Variants in SLC35D1 observed in about 807,000 individuals in gnomAD.
SLC35D1 encodes the protein nucleotide sugar transporter SLC35D1.
A neutral mutation model predicts 46.7 loss-of-function variants in SLC35D1; 31 were observed. The observed-to-expected ratio is 0.66, with a 90% CI of 0.50 to 0.90. The LOEUF is 0.90. Ranked by LOEUF, SLC35D1 falls within the 40% of genes least tolerant of loss-of-function variation. The pLI, the probability that SLC35D1 is intolerant of heterozygous loss-of-function variation, is 0.00. For missense variants in SLC35D1, 397 were observed against 426.2 expected (o/e 0.93, Z 0.60); for synonymous variants, 195 against 164.6 (o/e 1.18, Z -1.41).
chr1:67,009,972 G>C (rs1192507520), intron 10 of SLC35D1, among the ~76,000 whole-genome samples: 1 of 152,042 alleles, frequency 6.6e-6, no homozygotes, highest in African/African-American at 2.4e-5. Flanking sequence ...AAGAAAATGT[G>C]GTACATATAC....
the SLC35D1 span, among the ~76,000 whole-genome samples, chr1:66,980,503 A>C: frequency 6.6e-6 from 1 of 152,198 alleles, no homozygotes; most frequent in African/African-American, 2.4e-5. Flanking sequence ...AGTGATGACC[A>C]TATAGGTTGA....
At position 66,999,758 on chromosome 1, in the gene SLC35D1, C is replaced by G. The variant is rs1667291320; in HGVS notation, c.*4582G>C. ...TGAAGCAGCATCCTGAAAGTAAGAC[C>G]TAGAAGACTGGCTTAGAAAACAGTA... On this transcript the variant is annotated 3_prime_UTR_variant, in exon 12 of 12. Transcript: ENST00000235345. 1 of 151,420 alleles carries G rather than the reference C, an allele frequency of 6.6e-6. No homozygotes were observed. Among genetic ancestry groups the G allele is most frequent in the Non-Finnish European group, 1.5e-5 (1 of 67,962 alleles). 9.4% of individuals were successfully genotyped at this position (151,420 alleles called of 1,614,324 possible). A position where few individuals can be genotyped will look rare whatever the true frequency, so the allele number is the denominator to read the frequency against.
At chr1:66,980,993 C>T in the SLC35D1 span, among the ~76,000 whole-genome samples, 1 of 152,026 alleles carries the variant, frequency 6.6e-6, no homozygotes, top group African/African-American at 2.4e-5. Context: ...AGCCCACAGG[C>T]TATAGTTGGC....
At position 67,053,945 on chromosome 1, in the gene SLC35D1, G is replaced by A; in HGVS notation, c.69C>T (p.Leu23=). 6.2e-7 allele frequency: 1 copy of A among 1,613,728 alleles called. No individual in the cohort carries two copies. Among genetic ancestry groups the A allele is most frequent in the Non-Finnish European group, 8.5e-7 (1 of 1,179,696 alleles). The part of the protein sequence containing the change: ...KGEAPAKSST[L]RDEEELGMAS... ...CCATCCCCAGCTCCTCCTCATCTCGGAGTGTGGAGGATTTCGCGGGGGCTT... is the reference window on the plus strand; with the variant it reads ...CCATCCCCAGCTCCTCCTCATCTCGAAGTGTGGAGGATTTCGCGGGGGCTT... The change falls in exon 1 of 12, where the codon CTC becomes CTT. Residue 23 remains leucine (L), a synonymous_variant. Transcript: ENST00000235345.
At chr1:67,039,065 C>A (rs1003672214) in intron 8 of SLC35D1, among the ~76,000 whole-genome samples, 1 of 152,122 alleles carries the variant, frequency 6.6e-6, no homozygotes, top group African/African-American at 2.4e-5. Flanking sequence ...GGGGAGCTGG[C>A]CTTTCAGAGC....
rs187198272 is a variant in SLC35D1, at chr1:67,003,258, A to G, written c.*1082T>C. On this transcript the variant is annotated 3_prime_UTR_variant, in exon 12 of 12. Transcript: ENST00000235345. ...ATTCATCCAAAGAGCAACCAAACCC[A>G]AAGGAAGGTGGCAAGGGAAAACAGA... The G allele has an allele frequency of 7.9e-5, 12 of 152,482 alleles. No homozygotes were observed. The highest frequency in any genetic ancestry group is 2.6e-4 in the African/African-American group (11 of 41,584). 9.4% of individuals were successfully genotyped at this position (152,482 alleles called of 1,614,324 possible). A position where few individuals can be genotyped will look rare whatever the true frequency, so the allele number is the denominator to read the frequency against.
chr1:67,031,465 A>G (rs1396370611), intron 8 of SLC35D1, among the ~76,000 whole-genome samples: 4 of 152,182 alleles, frequency 2.6e-5, no homozygotes, highest in African/African-American at 9.6e-5. Context: ...AGGCTCAGAA[A>G]CATTCAGTAA....
chr1:66,981,828 C>T, the SLC35D1 span: 1 of 1,613,912 alleles, frequency 6.2e-7, no homozygotes, highest in Non-Finnish European at 8.5e-7. Flanking sequence ...TGCATCTAGT[C>T]GAGCACCATC....
intron 10 of SLC35D1, among the ~76,000 whole-genome samples, chr1:67,014,670 G>GTTTTTTTTTT (rs34459732): frequency 6.0e-5 from 6 of 99,986 alleles, no homozygotes; most frequent in East Asian, 3.3e-4. Flanking sequence ...TCAATTTTTA[G>GTTTTTTTTTT]TTTTTTTTTT....
At chr1:67,027,796 A>G (rs185565677) in intron 8 of SLC35D1, among the ~76,000 whole-genome samples, 1 of 152,288 alleles carries the variant, frequency 6.6e-6, no homozygotes, top group East Asian at 1.9e-4. Context: ...CAGAGGTGCT[A>G]TCTTGGCTCA....
chr1:67,038,119 A>AATATG (rs1407964783), intron 8 of SLC35D1, among the ~76,000 whole-genome samples: 1 of 152,190 alleles, frequency 6.6e-6, no homozygotes, highest in Non-Finnish European at 1.5e-5. Context: ...AGAATAATTG[A>AATATG]TCCAACCCAC....
At chr1:66,977,573 A>G in the SLC35D1 span, among the ~76,000 whole-genome samples, 1 of 152,152 alleles carries the variant, frequency 6.6e-6, no homozygotes, top group African/African-American at 2.4e-5. Flanking sequence ...CTTTATGTAA[A>G]ATGTCTGATA....
At chr1:66,986,490 T>C in the SLC35D1 span, 37 of 1,556,108 alleles carry the variant, frequency 2.4e-5, no homozygotes, top group African/African-American at 4.6e-4. Context: ...TGTGGTCTTG[T>C]TTTTAATGGC....
intron 3 of SLC35D1, 88 bp from the exon 4 acceptor site, chr1:67,052,167 G>A (rs765007891): frequency 2.0e-5 from 20 of 984,678 alleles, no homozygotes; most frequent in Non-Finnish European, 2.9e-5. Context: ...TTGTTTATAT[G>A]ATCAAAATTT....
intron 7 of SLC35D1, among the ~76,000 whole-genome samples, chr1:67,044,450 A>T: frequency 6.6e-6 from 1 of 152,242 alleles, no homozygotes; most frequent in Non-Finnish European, 1.5e-5. Context: ...GATTGACATT[A>T]AAAAGGTGTT....
intron 8 of SLC35D1, among the ~76,000 whole-genome samples, chr1:67,027,625 T>G (rs1030622728): frequency 6.6e-6 from 1 of 152,196 alleles, no homozygotes; most frequent in Admixed American, 6.5e-5. Context: ...TTTCTTCTTT[T>G]CTAAAATAAG....
In SLC35D1 at chr1:67,052,796, T is replaced by A. The variant is rs1390824537; in HGVS notation, c.299A>T (p.Asp100Val). 1 of 1,614,130 alleles carries A rather than the reference T, an allele frequency of 6.2e-7. No individual in the cohort carries two copies. Among genetic ancestry groups the A allele is most frequent in the South Asian group, 1.1e-5 (1 of 91,074 alleles). The change falls in exon 3 of 12, where the codon GAC becomes GTC. Residue 100 changes from aspartate (D) to valine (V), a missense_variant. Transcript: ENST00000235345. The stretch of plus-strand genomic sequence containing the variant: ...CTTTCGAGGTACATTTCTGTCAAGG[T>A]CAGGAAACTTGACTACTCTGAGCGC... ...GKALRVVKFPDLDRNVPRKTF... is the reference protein window; with the variant it reads ...GKALRVVKFPVLDRNVPRKTF...
At chr1:66,990,902 C>T in the SLC35D1 span, among the ~76,000 whole-genome samples, 19 of 152,284 alleles carry the variant, frequency 1.2e-4, no homozygotes, top group East Asian at 3.1e-3. Flanking sequence ...TCCTCACCAT[C>T]ATACACCCAC....
chr1:66,997,569 G>GTA (rs1294058794), downstream of SLC35D1, among the ~76,000 whole-genome samples: 2 of 121,790 alleles, frequency 1.6e-5, no homozygotes, highest in African/African-American at 6.1e-5. Flanking sequence ...ATCTGTGTGT[G>GTA]TATATATATA....
Sources: allele counts gnomAD v4.1 joint callset (sites outside exome capture counted in the v4.1 genomes callset), GRCh38; gene constraint gnomAD v4.1.1; transcripts MANE v1.5; gene names NCBI Gene and HGNC (gene_info 2026-07-23, HGNC 2026-07-21).